The following CRCP variants were observed in gnomAD, a reference collection of about 807,000 sequenced individuals.
The protein encoded by CRCP is DNA-directed RNA polymerase III subunit RPC9.
A neutral mutation model predicts 18.5 loss-of-function variants in CRCP; 18 were observed. The ratio of observed to expected loss-of-function variants is 0.97; its 90% confidence interval spans 0.67 to 1.44. The LOEUF (loss-of-function observed/expected upper bound fraction) is 1.44, where lower values mean the gene tolerates loss of function less well. Among genes scored for constraint, CRCP ranks in the 40% most tolerant of loss-of-function variants. The pLI is 0.00. For synonymous variants in CRCP, 53 were observed against 62.9 expected (o/e 0.84, Z 0.75); for missense variants, 130 against 176.4 (o/e 0.74, Z 1.49).
chr7:66,134,352 T>C lies in CRCP; in HGVS notation c.217T>C (p.Leu73=). 6.2e-7 allele frequency: 1 copy of C among 1,610,588 alleles called. No individual in the cohort carries two copies. The highest frequency in any genetic ancestry group is 8.5e-7 in the Non-Finnish European group (1 of 1,178,534). Residue 73 remains leucine (L), a synonymous_variant, in exon 4 of 6, where the codon TTG becomes CTG. Coordinates refer to ENST00000395326, the MANE Select transcript of CRCP (RefSeq NM_014478.5). The part of the protein sequence containing the change: ...PEIVREFLTA[L]KSHKLTKAEK... Reference sequence around the variant, plus strand: ...AATTGTCAGAGAATTTCTCACAGCATTGAAAAGCCACAAGTTGACCAAGTA... The same window carrying C: ...AATTGTCAGAGAATTTCTCACAGCACTGAAAAGCCACAAGTTGACCAAGTA...
chr7:66,141,386 C>T (rs889926278), intron 4 of CRCP, among the ~76,000 whole-genome samples: 9 of 152,112 alleles, frequency 5.9e-5, no homozygotes, highest in African/African-American at 2.2e-4. Flanking sequence ...TGCTGCCCGT[C>T]CCCGCCTCTG....
chr7:66,121,911 C>T (rs117795942), intron 1 of CRCP, among the ~76,000 whole-genome samples: 3,349 of 152,234 alleles, frequency 0.022, 55 homozygotes, highest in Middle Eastern at 0.041. Context: ...TTGCTAGCTC[C>T]CAAGAGAATG....
intron 1 of CRCP, among the ~76,000 whole-genome samples, chr7:66,123,749 C>CAA (rs35581711): frequency 2.2e-4 from 30 of 138,582 alleles, no homozygotes; most frequent in Middle Eastern, 4.0e-3. Flanking sequence ...ACTCTTGTCT[C>CAA]AAAAAAAAAA....
chr7:66,151,766 T>G (rs1369489343), intron 5 of CRCP, among the ~76,000 whole-genome samples: 3 of 145,884 alleles, frequency 2.1e-5, no homozygotes, highest in African/African-American at 5.0e-5. Flanking sequence ...TTTTTTTTTT[T>G]TTTTTAGACA....
intron 1 of CRCP, among the ~76,000 whole-genome samples, chr7:66,115,228 T>C (rs1232204839): frequency 1.3e-5 from 2 of 152,196 alleles, no homozygotes; most frequent in African/African-American, 4.8e-5. Flanking sequence ...CCTTTCAATG[T>C]GCCCCCTCCT....
At chr7:66,143,890 T>C (rs1788212892) in intron 4 of CRCP, among the ~76,000 whole-genome samples, 1 of 152,202 alleles carries the variant, frequency 6.6e-6, no homozygotes, top group Non-Finnish European at 1.5e-5. Context: ...GTTAATCCTC[T>C]CATAAGATAG....
rs552741719 is a variant in CRCP, at chr7:66,124,109, C to T, written c.9-3595C>T. 2.1e-3 allele frequency among the ~76,000 whole-genome samples: 297 copies of T among 138,512 alleles called. 1 individual carries two copies. The highest frequency in any genetic ancestry group is 7.8e-3 in the African/African-American group (292 of 37,398). The allele number at this position is 138,512 out of a possible 152,430, so 90.9% of individuals were successfully genotyped here. A position where few individuals can be genotyped will look rare whatever the true frequency, so the allele number is the denominator to read the frequency against. ...ATGCCCAGTGGCTCACTCCTGTAAT[C>T]CCAGCACTTTGGGAGGCCGAGGCGG... On this transcript the variant is annotated intron_variant, in intron 1 of 5. Transcript: ENST00000395326.
intron 4 of CRCP, among the ~76,000 whole-genome samples, chr7:66,139,453 A>G (rs1222935023): frequency 6.6e-6 from 1 of 152,166 alleles, no homozygotes; most frequent in East Asian, 1.9e-4. Flanking sequence ...ACATGTCATC[A>G]TGGGCTTGGC....
chr7:66,144,378 G>A (rs1340537022), intron 4 of CRCP, among the ~76,000 whole-genome samples: 2 of 152,164 alleles, frequency 1.3e-5, no homozygotes. Flanking sequence ...GCCCCTTTTA[G>A]TCCCTGTTTT....
At chr7:66,146,472 T>C (rs1400987923) in intron 5 of CRCP, among the ~76,000 whole-genome samples, 1 of 152,094 alleles carries the variant, frequency 6.6e-6, no homozygotes, top group East Asian at 1.9e-4. Context: ...GAAGAAACTT[T>C]AGAGAATTAA....
At chr7:66,118,637 C>T (rs1390898478) in intron 1 of CRCP, among the ~76,000 whole-genome samples, 3 of 152,330 alleles carry the variant, frequency 2.0e-5, no homozygotes, top group South Asian at 2.1e-4. Flanking sequence ...TGATATAAAA[C>T]GGTGTAGTAT....
At chr7:66,139,737 C>T (rs1056572850) in intron 4 of CRCP, among the ~76,000 whole-genome samples, 1 of 152,204 alleles carries the variant, frequency 6.6e-6, no homozygotes, top group African/African-American at 2.4e-5. Context: ...TTGCTCCCTT[C>T]TCACTTGGGG....
Position 66,125,546 on chromosome 7 carries a change from A to G in CRCP, c.9-2158A>G, listed in dbSNP as rs192922996. Reference sequence around the variant, plus strand: ...ACACAGAGTACCTGTGTAAACATCAATTGGTTCTCTTGATCCCAAAACACA... The same window carrying G: ...ACACAGAGTACCTGTGTAAACATCAGTTGGTTCTCTTGATCCCAAAACACA... On this transcript the variant is annotated intron_variant, in intron 1 of 5. Transcript: ENST00000395326. Among the ~76,000 whole-genome samples, 84 of 149,550 alleles carry G rather than the reference A, an allele frequency of 5.6e-4. 2 individuals are homozygous for G. The East Asian group carries it at 0.014, about 24-fold the overall frequency.
intron 3 of CRCP, among the ~76,000 whole-genome samples, chr7:66,131,953 G>T (rs1479686946): frequency 2.0e-5 from 1 of 50,260 alleles, no homozygotes; most frequent in Non-Finnish European, 4.0e-5. Flanking sequence ...TAGAGACAGG[G>T]TTTCTCCATG....
At chr7:66,136,652 C>G (rs530517435) in intron 4 of CRCP, among the ~76,000 whole-genome samples, 1 of 151,942 alleles carries the variant, frequency 6.6e-6, no homozygotes, top group African/African-American at 2.4e-5. Flanking sequence ...GTGTGAGCCA[C>G]CGTGCCTGGC....
chr7:66,143,221 C>T (rs569302132), intron 4 of CRCP, among the ~76,000 whole-genome samples: 1 of 152,286 alleles, frequency 6.6e-6, no homozygotes, highest in South Asian at 2.1e-4. Context: ...CTCTCACTCA[C>T]CCAGGGGGTG....
intron 1 of CRCP, among the ~76,000 whole-genome samples, chr7:66,117,292 A>T (rs1190785084): frequency 6.6e-6 from 1 of 152,100 alleles, no homozygotes; most frequent in Non-Finnish European, 1.5e-5. Flanking sequence ...GGACTACTTC[A>T]GTGTCCTTCC....
chr7:66,146,472 T>A (rs1400987923), intron 5 of CRCP, among the ~76,000 whole-genome samples: 1 of 152,094 alleles, frequency 6.6e-6, no homozygotes, highest in East Asian at 1.9e-4. Flanking sequence ...GAAGAAACTT[T>A]AGAGAATTAA....
rs534559307 is a variant in CRCP at position 66,134,805 on chromosome 7, G to A, written c.239+431G>A. 2.6e-5 allele frequency among the ~76,000 whole-genome samples: 4 copies of A among 152,224 alleles called. No homozygotes were observed. The East Asian group carries it at 7.7e-4, about 29-fold the overall frequency. ...CATCTGACCACAGCATAACAAGCTTGGAATCGGGGAACCTGGGCTGTAGTC... is the reference window on the plus strand; with the variant it reads ...CATCTGACCACAGCATAACAAGCTTAGAATCGGGGAACCTGGGCTGTAGTC... On this transcript the variant is annotated intron_variant, in intron 4 of 5. Coordinates refer to ENST00000395326, the MANE Select transcript of CRCP (RefSeq NM_014478.5).
Sources: gnomAD v4.1 joint callset for allele counts (sites outside exome capture counted in the v4.1 genomes callset) on GRCh38, gnomAD v4.1.1 for gene constraint, MANE v1.5 for transcripts, NCBI Gene and HGNC (gene_info 2026-07-23, HGNC 2026-07-21) for gene names.